The following LRCH1 variants were observed in gnomAD, a reference collection of about 807,000 sequenced individuals.
The protein encoded by LRCH1 is leucine rich repeats and calponin homology domain containing 1, also known as leucine-rich repeat and calponin homology domain-containing protein 1.
Under a neutral mutation model 94.9 loss-of-function variants are expected in LRCH1, and 23 were observed. The observed-to-expected ratio is 0.24, with a 90% CI of 0.17 to 0.34. The LOEUF (loss-of-function observed/expected upper bound fraction) is 0.34. Among genes scored for constraint, LRCH1 ranks in the 10% least tolerant of loss-of-function variants. LRCH1 has a pLI of 1.00. For missense variants in LRCH1, 790 were observed against 945.9 expected (o/e 0.84, Z 2.16); for synonymous variants, 364 against 354.9 (o/e 1.03, Z -0.29).
intron 16 of LRCH1, among the ~76,000 whole-genome samples, chr13:46,722,699 C>T (rs1872639459): frequency 6.6e-6 from 1 of 152,200 alleles, no homozygotes; most frequent in Non-Finnish European, 1.5e-5. Context: ...CAGTGACAGT[C>T]TAGAAGGCAG....
At chr13:46,555,255 A>G (rs530385709) in intron 1 of LRCH1, among the ~76,000 whole-genome samples, 10 of 152,346 alleles carry the variant, frequency 6.6e-5, no homozygotes, top group African/African-American at 2.4e-4. Flanking sequence ...AAAAAACTAC[A>G]TTAAATTTTA....
At chr13:46,647,282 T>C (rs965980710) in intron 1 of LRCH1, among the ~76,000 whole-genome samples, 2 of 145,560 alleles carry the variant, frequency 1.4e-5, no homozygotes, top group Admixed American at 6.6e-5. Context: ...AGCATTACAA[T>C]GTGTTTATCA....
chr13:46,712,903 C>G (rs973743257), intron 15 of LRCH1, among the ~76,000 whole-genome samples: 1 of 152,030 alleles, frequency 6.6e-6, no homozygotes, highest in African/African-American at 2.4e-5. Flanking sequence ...GATAAAATAG[C>G]TTTGGCCCCA....
chr13:46,573,264 A>G (rs960157506), intron 1 of LRCH1, among the ~76,000 whole-genome samples: 3 of 152,144 alleles, frequency 2.0e-5, no homozygotes, highest in Non-Finnish European at 4.4e-5. Flanking sequence ...CTTAGTAAAT[A>G]TTTGAGCCGA....
chr13:46,628,657 A>G (rs2050979695), intron 1 of LRCH1, among the ~76,000 whole-genome samples: 2 of 124,758 alleles, frequency 1.6e-5, no homozygotes, highest in South Asian at 5.2e-4. Context: ...TCTCTGTCTC[A>G]GGGAAGAAAA....
chr13:46,589,229 A>T (rs2050471069), intron 1 of LRCH1, among the ~76,000 whole-genome samples: 1 of 151,248 alleles, frequency 6.6e-6, no homozygotes, highest in African/African-American at 2.4e-5. Context: ...TATAGAGAGA[A>T]ATCTTACCAT....
intron 19 of LRCH1, among the ~76,000 whole-genome samples, chr13:46,736,820 A>G: frequency 6.6e-6 from 1 of 152,356 alleles, no homozygotes; most frequent in Non-Finnish European, 1.5e-5. Context: ...CTAACTGACA[A>G]TGATAAATCA....
chr13:46,750,783 T>G, exon 19 of LRCH1: 1 of 611,268 alleles, frequency 1.6e-6, no homozygotes. Flanking sequence ...ATTGAAACAA[T>G]TTTCAGTCTA....
intron 1 of LRCH1, among the ~76,000 whole-genome samples, chr13:46,638,454 G>A (rs114241694): frequency 5.3e-5 from 8 of 152,152 alleles, no homozygotes; most frequent in African/African-American, 1.9e-4. Flanking sequence ...AATACCATAT[G>A]GTATAAATTT....
At chr13:46,702,125 A>C (rs1177870739) in intron 11 of LRCH1, among the ~76,000 whole-genome samples, 2 of 152,222 alleles carry the variant, frequency 1.3e-5, no homozygotes, top group Non-Finnish European at 2.9e-5. Flanking sequence ...TGCAGTGTGC[A>C]CCTTGGGGGA....
At chr13:46,641,693 C>G (rs2051159676) in intron 1 of LRCH1, among the ~76,000 whole-genome samples, 1 of 152,150 alleles carries the variant, frequency 6.6e-6, no homozygotes, top group African/African-American at 2.4e-5. Context: ...GCTGATAACT[C>G]AGGATGTTGT....
chr13:46,742,209 G>C lies in LRCH1; in HGVS notation c.*361G>C, dbSNP rs1873699159. ...AGAATTCCAGGACAAGAGTGTCAAGGACAGGGATTTAGCATATGGAAGTCT... is the reference window on the plus strand; with the variant it reads ...AGAATTCCAGGACAAGAGTGTCAAGCACAGGGATTTAGCATATGGAAGTCT... On this transcript the variant is annotated 3_prime_UTR_variant, in exon 20 of 20. Coordinates refer to ENST00000389797, the MANE Select transcript of LRCH1 (RefSeq NM_001164211.2). 8.9e-7 allele frequency: 1 copy of C among 1,121,644 alleles called. No individual in the cohort carries two copies. Among genetic ancestry groups the C allele is most frequent in the African/African-American group, 1.6e-5 (1 of 62,088 alleles). The allele number at this position is 1,121,644 out of a possible 1,614,324, so 69.5% of individuals were successfully genotyped here.
chr13:46,695,039 A>G (rs1566232069), intron 9 of LRCH1, 22 bp downstream of exon 9: 1 of 1,610,640 alleles, frequency 6.2e-7, no homozygotes, highest in South Asian at 1.1e-5. Context: ...AGGATCAACT[A>G]CGTTTTTTTA....
At chr13:46,628,427 G>C (rs1325928593) in intron 1 of LRCH1, among the ~76,000 whole-genome samples, 2 of 152,062 alleles carry the variant, frequency 1.3e-5, no homozygotes, top group African/African-American at 4.8e-5. Context: ...CACAAGGTCA[G>C]GAGTTCGAGA....
At chr13:46,679,844 G>T (rs2051727528) in intron 3 of LRCH1, 1 of 152,342 alleles carries the variant, frequency 6.6e-6, no homozygotes, top group Admixed American at 6.5e-5. Flanking sequence ...TCATCGGGTG[G>T]TATCCATTGA....
intron 1 of LRCH1, among the ~76,000 whole-genome samples, chr13:46,580,086 C>T (rs1448325528): frequency 6.6e-6 from 1 of 152,178 alleles, no homozygotes; most frequent in African/African-American, 2.4e-5. Context: ...TAGCCCAAGA[C>T]CTCTTTATAA....
chr13:46,651,845 C>T (rs1476895333), intron 2 of LRCH1, among the ~76,000 whole-genome samples: 2 of 148,496 alleles, frequency 1.3e-5, no homozygotes, highest in African/African-American at 5.0e-5. Context: ...GGACTACAGG[C>T]GCCGGCCACC....
intron 16 of LRCH1, among the ~76,000 whole-genome samples, chr13:46,721,286 G>A (rs540092814): frequency 5.5e-4 from 84 of 152,292 alleles, no homozygotes; most frequent in African/African-American, 1.8e-3. Flanking sequence ...GCAAAGGAAA[G>A]TAACAGCTCC....
At chr13:46,679,131 A>T (rs1425781277) in intron 3 of LRCH1, among the ~76,000 whole-genome samples, 2 of 152,222 alleles carry the variant, frequency 1.3e-5, no homozygotes, top group Non-Finnish European at 2.9e-5. Context: ...TTCTCTAGAG[A>T]TGGCAAATAA....
Sources: allele counts gnomAD v4.1 joint callset (sites outside exome capture counted in the v4.1 genomes callset), GRCh38; gene constraint gnomAD v4.1.1; transcripts MANE v1.5; gene names NCBI Gene and HGNC (gene_info 2026-07-23, HGNC 2026-07-21).